Variants in SLC66A2 observed in about 807,000 individuals in gnomAD.
SLC66A2 encodes the protein PQ loop repeat containing 1.
A neutral mutation model predicts 25.5 loss-of-function variants in SLC66A2; 23 were observed. That is an observed-to-expected ratio of 0.90 (90% CI 0.65 to 1.28). SLC66A2 has a LOEUF of 1.28. Ranked by LOEUF, SLC66A2 falls within the 50% of genes most tolerant of loss-of-function variation. The pLI, the probability that SLC66A2 is intolerant of heterozygous loss-of-function variation, is 0.00. For synonymous variants in SLC66A2, 193 were observed against 166.5 expected, an observed-to-expected ratio of 1.16 and a Z score of -1.23; for missense variants, 396 against 373.1, an observed-to-expected ratio of 1.06 and a Z score of -0.51.
intron 5 of SLC66A2, among the ~76,000 whole-genome samples, chr18:79,909,238 T>C (rs1423815629): frequency 6.6e-6 from 1 of 152,202 alleles, no homozygotes; most frequent in Non-Finnish European, 1.5e-5. Context: ...TGGATCTGTC[T>C]TTCATGTGCA....
chr18:79,951,190 G>C (rs963043545), intron 1 of SLC66A2, among the ~76,000 whole-genome samples, 165 bp from the exon 2 acceptor site: 1 of 151,710 alleles, frequency 6.6e-6, no homozygotes, highest in Admixed American at 6.6e-5. Context: ...GGGTGTCTGG[G>C]GGTCCCGAGA....
Position 79,940,612 on chromosome 18 carries a change from C to T in SLC66A2, c.337+2717G>A, listed in dbSNP as rs548422502. Among the ~76,000 whole-genome samples, 4 of 152,202 alleles carry T rather than the reference C, an allele frequency of 2.6e-5. No homozygotes were observed. Among genetic ancestry groups the T allele is most frequent in the Admixed American group, 6.5e-5 (1 of 15,292 alleles). On this transcript the variant is annotated intron_variant, in intron 3 of 5. Transcript: ENST00000397778. This position sits in a 1 kb window ranked among gnomAD's most constrained non-coding sequence, Gnocchi z 4.1. The stretch of plus-strand genomic sequence containing the variant: ...GGGCTGTGCTGCAGGAGCTACCGAT[C>T]GGGCGGCCAGAAGCCAGAGCTTTCA...
At chr18:79,923,709 C>T (rs1985569592) in intron 4 of SLC66A2, among the ~76,000 whole-genome samples, 1 of 152,126 alleles carries the variant, frequency 6.6e-6, no homozygotes, top group South Asian at 2.1e-4. Context: ...AAACCAAAAG[C>T]ACAGGCAACA....
chr18:79,945,327 G>C (rs951509064), intron 2 of SLC66A2: 1 of 152,432 alleles, frequency 6.6e-6, no homozygotes, highest in African/African-American at 2.4e-5. Flanking sequence ...GGAGCAGAGG[G>C]AAGGGCAGAG....
intron 4 of SLC66A2, among the ~76,000 whole-genome samples, chr18:79,926,394 G>A (rs1410785048): frequency 2.0e-5 from 3 of 152,186 alleles, no homozygotes. Context: ...AGAGCTTCCT[G>A]TTGGGACTGG....
Position 79,937,282 on chromosome 18 carries a change from G to T in SLC66A2, c.338-3260C>A, listed in dbSNP as rs1389731438. Among the ~76,000 whole-genome samples the T allele has an allele frequency of 1.3e-5, 2 of 152,176 alleles. No homozygotes were observed. Among genetic ancestry groups the T allele is most frequent in the African/African-American group, 2.4e-5 (1 of 41,434 alleles). On this transcript the variant is annotated intron_variant, in intron 3 of 5. Transcript: ENST00000397778. The surrounding 1 kb of genome is among the most constrained non-coding windows in gnomAD (Gnocchi z 5.4). ...GCCACACGAGCACCCTGTTATACCAGGATCCTGTGTAGAAGCGAGACCCCT... is the reference window on the plus strand; with the variant it reads ...GCCACACGAGCACCCTGTTATACCATGATCCTGTGTAGAAGCGAGACCCCT...
chr18:79,949,362 T>C (rs1343705680), intron 2 of SLC66A2, among the ~76,000 whole-genome samples: 1 of 152,010 alleles, frequency 6.6e-6, no homozygotes, highest in African/African-American at 2.4e-5. Flanking sequence ...CTCAATAAGG[T>C]TGACTTAAAA....
chr18:79,931,689 C>A (rs1986584188), intron 4 of SLC66A2, among the ~76,000 whole-genome samples: 1 of 152,186 alleles, frequency 6.6e-6, no homozygotes, highest in Admixed American at 6.5e-5. Flanking sequence ...AGATCATATG[C>A]TAGGCCATAA....
At chr18:79,923,983 G>A (rs574143107) in intron 4 of SLC66A2, among the ~76,000 whole-genome samples, 1 of 151,456 alleles carries the variant, frequency 6.6e-6, no homozygotes, top group African/African-American at 2.4e-5. Context: ...GCTGTAGTGA[G>A]CCATGGCTGT....
intron 2 of SLC66A2, 100 bp downstream of exon 2, chr18:79,950,624 G>A (rs2051085888): frequency 8.8e-7 from 1 of 1,137,988 alleles, no homozygotes; most frequent in African/African-American, 1.5e-5. Context: ...GGCCCAGCAG[G>A]GAGGTGTGGA....
At chr18:79,928,333 C>T (rs891491737) in intron 4 of SLC66A2, among the ~76,000 whole-genome samples, 2 of 152,216 alleles carry the variant, frequency 1.3e-5, no homozygotes, top group African/African-American at 2.4e-5. Flanking sequence ...TTGGCTGCTG[C>T]GTTTACTCAA....
chr18:79,912,515 G>A (rs190590757), intron 5 of SLC66A2, among the ~76,000 whole-genome samples: 10 of 151,432 alleles, frequency 6.6e-5, no homozygotes, highest in Non-Finnish European at 1.3e-4. Flanking sequence ...GCCACGTGTC[G>A]CCAGGCCACG....
intron 5 of SLC66A2, among the ~76,000 whole-genome samples, chr18:79,905,181 C>T (rs917887304): frequency 2.0e-5 from 3 of 152,378 alleles, no homozygotes; most frequent in Admixed American, 2.0e-4. Context: ...ATAAATCCGG[C>T]TTTATCATTA....
At chr18:79,945,204 A>G (rs1367652190) in intron 2 of SLC66A2, 1 of 152,344 alleles carries the variant, frequency 6.6e-6, no homozygotes, top group East Asian at 1.9e-4. Flanking sequence ...TGCAGTCCTC[A>G]GAGGGTGGCC....
In SLC66A2 at chr18:79,904,348, GCACCCAGGGGGTTGAGGGGA is replaced by G. The variant is rs1266989442; in HGVS notation, c.609-185_609-166del. 6.6e-6 allele frequency among the ~76,000 whole-genome samples: 1 copy of G among 151,644 alleles called. No individual in the cohort carries two copies. Among genetic ancestry groups the G allele is most frequent in the East Asian group, 2.0e-4 (1 of 5,118 alleles). ...GGCGGGGAGGCCTGGGGCTCAGGGG[GCACCCAGGGGGTTGAGGGGA>G]CACCCAGTCTACAGGGTGACCCAGG... On this transcript the variant is annotated intron_variant, in intron 5 of 5. Transcript: ENST00000397778. The surrounding 1 kb of genome is among the most constrained non-coding windows in gnomAD (Gnocchi z 6.3).
intron 3 of SLC66A2, among the ~76,000 whole-genome samples, chr18:79,939,410 C>T (rs1001884118): frequency 3.9e-5 from 6 of 152,192 alleles, no homozygotes; most frequent in African/African-American, 1.4e-4. Context: ...AACTAAAGAG[C>T]TGCTGCATAG....
At position 79,940,465 on chromosome 18, in the gene SLC66A2, C is replaced by A. The variant is rs765140414; in HGVS notation, c.337+2864G>T. 1.5e-4 allele frequency among the ~76,000 whole-genome samples: 23 copies of A among 152,004 alleles called. No homozygotes were observed. The highest frequency in any genetic ancestry group is 2.9e-4 in the Non-Finnish European group (20 of 67,986). On this transcript the variant is annotated intron_variant, in intron 3 of 5. Transcript: ENST00000397778. The surrounding 1 kb of genome is among the most constrained non-coding windows in gnomAD (Gnocchi z 4.1). ...CAAACAATTTACCTATATAACAAAC[C>A]TGCACATGTACCTGAACTTAAAAGC...
intron 4 of SLC66A2, among the ~76,000 whole-genome samples, chr18:79,933,298 A>T (rs756912737): frequency 3.9e-5 from 6 of 152,256 alleles, no homozygotes; most frequent in Non-Finnish European, 8.8e-5. Flanking sequence ...AACCTAATGA[A>T]GGGCAACTAT....
At chr18:79,915,272 G>T in intron 5 of SLC66A2, 1 of 152,240 alleles carries the variant, frequency 6.6e-6, no homozygotes. Context: ...CCGGCAGCAC[G>T]GGCGGGGCCA....
Sources: gnomAD v4.1 joint callset for allele counts (sites outside exome capture counted in the v4.1 genomes callset) on GRCh38, gnomAD v4.1.1 for gene constraint, Gnocchi (gnomAD v3.1) non-coding constraint, MANE v1.5 for transcripts, NCBI Gene and HGNC (gene_info 2026-07-23, HGNC 2026-07-21) for gene names.